Variants in JAKMIP3 observed in about 807,000 individuals in gnomAD.
The protein encoded by JAKMIP3 is janus kinase and microtubule-interacting protein 3.
In JAKMIP3, 58 loss-of-function variants were observed where a neutral mutation model predicts 118.5. The observed-to-expected ratio is 0.49, with a 90% CI of 0.40 to 0.61. The LOEUF is 0.61. JAKMIP3 is among the 20% of genes least tolerant of loss of function. The pLI is 0.00. For synonymous variants in JAKMIP3, 486 were observed against 451.2 expected (o/e 1.08, Z -0.98); for missense variants, 950 against 1,109.0 (o/e 0.86, Z 2.04).
chr10:132,078,626 G>GCC (rs1050206318), intron 1 of JAKMIP3, among the ~76,000 whole-genome samples: 34 of 139,362 alleles, frequency 2.4e-4, no homozygotes, highest in Non-Finnish European at 4.4e-4. Context: ...GGGCGGGGGG[G>GCC]GGGGGGGGTC....
At chr10:132,045,145 C>T (rs1384919891) in intron 1 of JAKMIP3, among the ~76,000 whole-genome samples, 2 of 152,116 alleles carry the variant, frequency 1.3e-5, no homozygotes, top group East Asian at 1.9e-4. Flanking sequence ...CAGCCGTGCA[C>T]GAGCGTTCCA....
At chr10:132,048,658 G>GTTTCT (rs1165954307) in intron 1 of JAKMIP3, among the ~76,000 whole-genome samples, 4 of 101,036 alleles carry the variant, frequency 4.0e-5, no homozygotes, top group African/African-American at 7.1e-5. Context: ...AGGCTTGACT[G>GTTTCT]TTTCTTTTCT....
intron 1 of JAKMIP3, among the ~76,000 whole-genome samples, chr10:132,036,925 T>TC (rs2037523432): frequency 6.6e-6 from 1 of 151,440 alleles, no homozygotes; most frequent in African/African-American, 2.4e-5. Context: ...CTCCCGGCGG[T>TC]CCCCCCGTGG....
intron 1 of JAKMIP3, among the ~76,000 whole-genome samples, chr10:132,041,326 C>G (rs1486179656): frequency 6.6e-6 from 1 of 152,226 alleles, no homozygotes. Flanking sequence ...GGAGAGCTGG[C>G]TGGGTCCGGG....
intron 22 of JAKMIP3, among the ~76,000 whole-genome samples, chr10:132,167,391 C>T (rs1190076073): frequency 6.6e-6 from 1 of 152,176 alleles, no homozygotes; most frequent in Non-Finnish European, 1.5e-5. Flanking sequence ...TGGCACTCGG[C>T]AGCAGGCCCT....
chr10:132,179,110 G>A lies in JAKMIP3; in HGVS notation c.*1104-3247G>A, dbSNP rs548702698. On this transcript the variant is annotated intron_variant, in intron 23 of 23. Coordinates refer to ENST00000684848, the MANE Select transcript of JAKMIP3 (RefSeq NM_001323087.2). The surrounding 1 kb of genome is among the most constrained non-coding windows in gnomAD (Gnocchi z 4.3). ...GCTGCCATCTCCTGTCCCTGCTGCC[G>A]CCCTTGGCACTGTCCAATGAGCCAA... Among the ~76,000 whole-genome samples, 441 of 152,304 alleles carry A rather than the reference G, an allele frequency of 2.9e-3. 3 individuals carry two copies. The highest frequency in any genetic ancestry group is 0.01 in the African/African-American group (416 of 41,562).
In JAKMIP3 at chr10:132,141,851, C is replaced by T. The variant is rs1025338289; in HGVS notation, c.1474-69C>T. Reference sequence around the variant, plus strand: ...GGGGAGAAGGGAAGCCCCGGGGCCCCGCCATCGGAGGAGGTGCTGGCTACT... The same window carrying T: ...GGGGAGAAGGGAAGCCCCGGGGCCCTGCCATCGGAGGAGGTGCTGGCTACT... On this transcript the variant is annotated intron_variant, in intron 10 of 23. Transcript: ENST00000684848. 7.6e-5 allele frequency: 116 copies of T among 1,531,598 alleles called. No homozygotes were observed. In the African/African-American group the frequency reaches 8.2e-4, roughly 11 times the overall value. The allele number at this position is 1,531,598 out of a possible 1,614,324, so 94.9% of individuals were successfully genotyped here. A position where few individuals can be genotyped will look rare whatever the true frequency, so the allele number is the denominator to read the frequency against.
rs56060097 is a variant in JAKMIP3, at chr10:132,039,637, C to T, written c.-138+2899C>T. 4.3e-3 allele frequency among the ~76,000 whole-genome samples: 650 copies of T among 152,292 alleles called. 3 individuals carry two copies. Among genetic ancestry groups the T allele is most frequent in the African/African-American group, 0.015 (608 of 41,568 alleles). On this transcript the variant is annotated intron_variant, in intron 1 of 23. Coordinates refer to the JAKMIP3 transcript ENST00000657785. ...AGCACATCTGTGCACTCCAGAGAGG[C>T]GACCCCCACTCCCTCCATAGCGCTG...
intron 1 of JAKMIP3, among the ~76,000 whole-genome samples, chr10:132,067,367 C>T (rs2038953474): frequency 6.6e-6 from 1 of 152,100 alleles, no homozygotes; most frequent in Admixed American, 6.5e-5. Context: ...TAAGGGCACG[C>T]TGTGGCAGAG....
At chr10:132,087,057 G>C (rs1225678770) in intron 1 of JAKMIP3, among the ~76,000 whole-genome samples, 1 of 152,178 alleles carries the variant, frequency 6.6e-6, no homozygotes, top group African/African-American at 2.4e-5. Context: ...GTGCTGGCTT[G>C]GTAGTGGCAA....
intron 19 of JAKMIP3, among the ~76,000 whole-genome samples, chr10:132,162,017 G>A (rs1321691015): frequency 3.4e-5 from 5 of 147,362 alleles, no homozygotes; most frequent in African/African-American, 9.7e-5. Context: ...CTGCACACTC[G>A]CCCGGTTCTC....
chr10:132,147,062 G>A (rs563579845), intron 13 of JAKMIP3, among the ~76,000 whole-genome samples: 25 of 152,362 alleles, frequency 1.6e-4, no homozygotes, highest in South Asian at 8.3e-4. Flanking sequence ...ACATGCGCAT[G>A]TGCACACTTG....
At chr10:132,155,244 A>G (rs1170343553) in intron 19 of JAKMIP3, among the ~76,000 whole-genome samples, 1 of 151,814 alleles carries the variant, frequency 6.6e-6, no homozygotes, top group Non-Finnish European at 1.5e-5. Flanking sequence ...GGTGGTGGTG[A>G]TGAGGATGGT....
intron 1 of JAKMIP3, among the ~76,000 whole-genome samples, chr10:132,090,962 G>T (rs187081391): frequency 5.1e-4 from 78 of 152,310 alleles, no homozygotes; most frequent in African/African-American, 1.8e-3. Context: ...GTGTCCCAGA[G>T]ATTCTGGTAT....
chr10:132,109,662 C>G (rs2046547752), intron 2 of JAKMIP3, among the ~76,000 whole-genome samples: 1 of 152,172 alleles, frequency 6.6e-6, no homozygotes, highest in African/African-American at 2.4e-5. Context: ...TTCTCCTCTC[C>G]CTACTCCATT....
At chr10:132,167,468 G>A (rs1379266483) in intron 22 of JAKMIP3, among the ~76,000 whole-genome samples, 3 of 152,280 alleles carry the variant, frequency 2.0e-5, no homozygotes, top group Non-Finnish European at 4.4e-5. Flanking sequence ...GCACAAGCTC[G>A]GGCGGTGCTG....
chr10:132,080,988 T>C (rs1311150972), intron 1 of JAKMIP3, among the ~76,000 whole-genome samples: 4 of 152,236 alleles, frequency 2.6e-5, no homozygotes, highest in African/African-American at 7.2e-5. Context: ...TTTACTCTTA[T>C]TGCCTCTGCA....
chr10:132,037,090 A>T (rs908548018), intron 1 of JAKMIP3, among the ~76,000 whole-genome samples: 1 of 152,220 alleles, frequency 6.6e-6, no homozygotes, highest in South Asian at 2.1e-4. Flanking sequence ...GCGCCGTGCG[A>T]TTATTTTTAT....
intron 21 of JAKMIP3, 118 bp from the exon 22 acceptor site, chr10:132,166,865 T>A (rs1479553510): frequency 2.7e-6 from 2 of 746,002 alleles, no homozygotes; most frequent in East Asian, 5.4e-5. Flanking sequence ...CGTCCTCTCC[T>A]CCCTGCCAAC....
Sources: gnomAD v4.1 joint callset for allele counts (sites outside exome capture counted in the v4.1 genomes callset) on GRCh38, gnomAD v4.1.1 for gene constraint, Gnocchi (gnomAD v3.1) non-coding constraint, MANE v1.5 for transcripts, NCBI Gene and HGNC (gene_info 2026-07-23, HGNC 2026-07-21) for gene names.